MYO10: variants seen among roughly 807,000 people sequenced by gnomAD.
The protein encoded by MYO10 is unconventional myosin-X.
In MYO10, 133 loss-of-function variants were observed where a neutral mutation model predicts 257.3. The ratio of observed to expected loss-of-function variants is 0.52; its 90% CI spans 0.45 to 0.60. MYO10 has a LOEUF of 0.60. Among genes scored for constraint, MYO10 ranks in the 20% least tolerant of loss-of-function variants. The pLI, the probability that MYO10 is intolerant of heterozygous loss-of-function variation, is 0.00. For synonymous variants in MYO10, 1,104 were observed against 1,028.6 expected (o/e 1.07, Z -1.40); for missense variants, 2,399 against 2,635.7 (o/e 0.91, Z 1.97).
intron 9 of MYO10, among the ~76,000 whole-genome samples, chr5:16,776,579 T>C (rs1741219522): frequency 6.6e-6 from 1 of 152,232 alleles, no homozygotes; most frequent in African/African-American, 2.4e-5. Context: ...TTTCTCTTCC[T>C]TTCTAGGTGA....
chr5:16,725,200 C>T (rs1169614936), intron 19 of MYO10, among the ~76,000 whole-genome samples: 1 of 149,732 alleles, frequency 6.7e-6, no homozygotes, highest in African/African-American at 2.5e-5. Flanking sequence ...GATTCTCCTG[C>T]CTTAGTCTCC....
rs180885322 is a variant in MYO10 at position 16,674,219 on chromosome 5, G to A, written c.4965-330C>T. Among the ~76,000 whole-genome samples, 130 of 152,316 alleles carry A rather than the reference G, an allele frequency of 8.5e-4. 1 individual carries two copies. Among genetic ancestry groups the A allele is most frequent in the Admixed American group, 4.2e-3 (65 of 15,302 alleles). The stretch of plus-strand genomic sequence containing the variant: ...GCCGTGGCTAACGCCTGTAATCCCA[G>A]CACTTTGGGAGGCCGAGGCGGGTGG... On this transcript the variant is annotated intron_variant, in intron 35 of 40. Transcript: ENST00000513610.
At chr5:16,705,917 C>T (rs946726930) in intron 21 of MYO10, among the ~76,000 whole-genome samples, 2 of 152,148 alleles carry the variant, frequency 1.3e-5, no homozygotes, top group Admixed American at 6.5e-5. Context: ...CGCAGTGGCT[C>T]ATGCCAGTAA....
intron 2 of MYO10, among the ~76,000 whole-genome samples, chr5:16,872,081 C>T (rs560248842): frequency 6.6e-6 from 1 of 152,242 alleles, no homozygotes; most frequent in South Asian, 2.1e-4. Context: ...CAATCCATTC[C>T]ACTCCCACCT....
At chr5:16,818,857 G>C (rs1205675542) in intron 2 of MYO10, among the ~76,000 whole-genome samples, 5 of 152,098 alleles carry the variant, frequency 3.3e-5, no homozygotes, top group Non-Finnish European at 1.5e-5. Context: ...TAAACTTATA[G>C]TTCACTTCTC....
intron 19 of MYO10, among the ~76,000 whole-genome samples, chr5:16,744,094 C>T (rs16869086): frequency 0.079 from 11,956 of 152,144 alleles, 1,584 homozygotes; most frequent in African/African-American, 0.27. Context: ...TTTTTTAAGG[C>T]TCCTTATGAC....
intron 21 of MYO10, among the ~76,000 whole-genome samples, chr5:16,709,662 A>T (rs769483856): frequency 6.6e-6 from 1 of 152,090 alleles, no homozygotes; most frequent in African/African-American, 2.4e-5. Context: ...CCCAAGATAC[A>T]GGGACTGCAG....
chr5:16,802,448 G>A (rs889300145), intron 3 of MYO10, among the ~76,000 whole-genome samples: 1 of 151,770 alleles, frequency 6.6e-6, no homozygotes, highest in Non-Finnish European at 1.5e-5. Context: ...CATGAGGTCA[G>A]GAGATTGAGA....
At chr5:16,791,894 T>C (rs994155274) in intron 4 of MYO10, among the ~76,000 whole-genome samples, 49 of 152,338 alleles carry the variant, frequency 3.2e-4, no homozygotes, top group African/African-American at 1.2e-3. Context: ...TTATTGGGTA[T>C]GTGAATCTTA....
chr5:16,750,611 G>A (rs572933494), intron 19 of MYO10, among the ~76,000 whole-genome samples: 1 of 152,302 alleles, frequency 6.6e-6, no homozygotes, highest in South Asian at 2.1e-4. Flanking sequence ...AGCAGCTACA[G>A]GTGTTTCTGT....
chr5:16,761,428 C>T (rs776902009), intron 17 of MYO10, 36 bp downstream of exon 17: 8 of 1,492,624 alleles, frequency 5.4e-6, no homozygotes, highest in Non-Finnish European at 6.5e-6. Context: ...TATTCATTTG[C>T]TTGCTAAGTA....
intron 2 of MYO10, among the ~76,000 whole-genome samples, chr5:16,866,901 G>T (rs1030927919): frequency 6.6e-6 from 1 of 152,080 alleles, no homozygotes; most frequent in Non-Finnish European, 1.5e-5. Context: ...CGCTCTTCCC[G>T]GGAACCTGGA....
intron 37 of MYO10, among the ~76,000 whole-genome samples, chr5:16,672,110 C>T (rs1401584469): frequency 3.9e-5 from 6 of 152,116 alleles, no homozygotes; most frequent in Admixed American, 2.6e-4. Flanking sequence ...GCCTGACCAA[C>T]ATGGCCAAAC....
intron 2 of MYO10, among the ~76,000 whole-genome samples, chr5:16,864,696 G>T (rs142168058): frequency 6.6e-6 from 1 of 152,260 alleles, no homozygotes; most frequent in African/African-American, 2.4e-5. Flanking sequence ...AGCTAAGTGC[G>T]CTAATAAACA....
intron 10 of MYO10, among the ~76,000 whole-genome samples, chr5:16,767,753 C>CT (rs1425952960): frequency 2.0e-5 from 3 of 152,110 alleles, no homozygotes; most frequent in Non-Finnish European, 4.4e-5. Flanking sequence ...TCTTGGCTCA[C>CT]TGCAACCTCC....
intron 22 of MYO10, among the ~76,000 whole-genome samples, 173 bp from the exon 23 acceptor site, chr5:16,703,331 A>G (rs139339793): frequency 3.3e-5 from 5 of 152,344 alleles, no homozygotes; most frequent in African/African-American, 1.2e-4. Context: ...AAAACAGGAG[A>G]AAAACAAAGA....
In MYO10 at chr5:16,680,017, G is replaced by A. The variant is rs1367277532; in HGVS notation, c.4472C>T (p.Ala1491Val). The A allele has an allele frequency of 2.5e-6, 4 of 1,613,736 alleles. No homozygotes were observed. Among genetic ancestry groups the A allele is most frequent in the Admixed American group, 1.7e-5 (1 of 59,970 alleles). ...CTTGGTGTCAGTCACGTTTTGAATG[G>A]CACTGGACCACCGGGTGGCCTCGTT... is the stretch of plus-strand genomic sequence containing the variant. ...LLNEATRWSSAIQNVTDTKAP... is the reference protein window; with the variant it reads ...LLNEATRWSSVIQNVTDTKAP... Residue 1491 changes from alanine to valine, a missense_variant, in exon 33 of 41, where the codon GCC (alanine) becomes GTC (valine). Around this residue, in one of 3 missense-constraint regions of MYO10, gnomAD observed 1,820 missense variants for 1,939.4 expected, o/e 0.94. Transcript: ENST00000513610.
chr5:16,778,469 C>T (rs889829962), intron 9 of MYO10, among the ~76,000 whole-genome samples: 1 of 152,074 alleles, frequency 6.6e-6, no homozygotes, highest in African/African-American at 2.4e-5. Flanking sequence ...AGAATGTTTA[C>T]ATTAGATGCT....
intron 1 of MYO10, among the ~76,000 whole-genome samples, chr5:16,893,196 C>CAAACAA (rs538239809): frequency 1.9e-4 from 13 of 69,612 alleles, no homozygotes; most frequent in Non-Finnish European, 2.7e-4. Context: ...GACTCTGTCT[C>CAAACAA]AAAAAAAAAA....
Sources: gnomAD v4.1 joint callset for allele counts (sites outside exome capture counted in the v4.1 genomes callset) on GRCh38, gnomAD v4.1.1 for gene constraint, gnomAD v4.1.1 regional missense constraint, MANE v1.5 for transcripts, NCBI Gene and HGNC (gene_info 2026-07-23, HGNC 2026-07-21) for gene names.